Variants in RALYL observed in about 807,000 individuals in gnomAD.
RALYL encodes RNA-binding Raly-like protein.
A neutral mutation model predicts 35.1 loss-of-function variants in RALYL; 29 were observed. The ratio of observed to expected loss-of-function variants is 0.83; its 90% confidence interval spans 0.61 to 1.13. The LOEUF (loss-of-function observed/expected upper bound fraction) is 1.13. Ranked by LOEUF, RALYL falls within the 50% of genes most tolerant of loss-of-function variation. The pLI is 0.00. For missense variants in RALYL, 359 were observed against 360.4 expected, an observed-to-expected ratio of 1.00 and a Z score of 0.03; for synonymous variants, 120 against 127.6, an observed-to-expected ratio of 0.94 and a Z score of 0.40.
chr8:84,514,158 A>G (rs2057869528), intron 1 of RALYL, among the ~76,000 whole-genome samples: 1 of 133,450 alleles, frequency 7.5e-6, no homozygotes, highest in South Asian at 2.7e-4. Flanking sequence ...ATACCTAAAT[A>G]CCTATGTTGT....
At chr8:84,578,159 G>A (rs1321674543) in intron 2 of RALYL, among the ~76,000 whole-genome samples, 1 of 152,236 alleles carries the variant, frequency 6.6e-6, no homozygotes, top group Non-Finnish European at 1.5e-5. Context: ...ACTGCACACA[G>A]CCATGCACAC....
intron 4 of RALYL, among the ~76,000 whole-genome samples, chr8:84,837,614 T>G (rs1225485878): frequency 1.3e-5 from 2 of 152,188 alleles, no homozygotes; most frequent in Non-Finnish European, 2.9e-5. Context: ...AAAGTTTAAA[T>G]GAAATTTCAG....
intron 6 of RALYL, among the ~76,000 whole-genome samples, chr8:84,869,039 AG>A (rs563709304): frequency 1.6e-3 from 244 of 152,116 alleles, no homozygotes; most frequent in Non-Finnish European, 3.2e-3. Context: ...AGAAAGGGAC[AG>A]ATGGGAGCAG....
At chr8:84,667,412 C>G (rs767871395) in intron 2 of RALYL, among the ~76,000 whole-genome samples, 46 of 152,000 alleles carry the variant, frequency 3.0e-4, no homozygotes, top group Non-Finnish European at 5.1e-4. Flanking sequence ...TTCTTTTACT[C>G]CTTCTTAGTA....
intron 3 of RALYL, among the ~76,000 whole-genome samples, chr8:84,786,770 T>C (rs1819582632): frequency 6.6e-6 from 1 of 152,114 alleles, no homozygotes; most frequent in African/African-American, 2.4e-5. Flanking sequence ...TTTCTCCCAT[T>C]CTGTAAGTTG....
At chr8:84,439,157 T>C (rs777946873) in intron 1 of RALYL, among the ~76,000 whole-genome samples, 31 of 152,298 alleles carry the variant, frequency 2.0e-4, no homozygotes, top group Admixed American at 1.2e-3. Flanking sequence ...TAGTGTTGAA[T>C]CCATAGATTG....
rs114383452 is a variant in RALYL, at chr8:84,448,960, C to T, written c.-23-80339C>T. Among the ~76,000 whole-genome samples the T allele has an allele frequency of 3.5e-3, 536 of 152,086 alleles. 2 individuals are homozygous for T. The highest frequency in any genetic ancestry group is 0.012 in the African/African-American group (504 of 41,510). On this transcript the variant is annotated intron_variant, in intron 1 of 8. Coordinates refer to ENST00000521268, the MANE Select transcript of RALYL (RefSeq NM_173848.7). ...CAGCCTGATTATAGGTAACTTTTAT[C>T]CTCAGGTGTCATGTTAATATGCGAA...
chr8:84,613,696 C>A (rs1262209683), intron 2 of RALYL, among the ~76,000 whole-genome samples: 1 of 151,192 alleles, frequency 6.6e-6, no homozygotes, highest in African/African-American at 2.4e-5. Flanking sequence ...CAATAATGTA[C>A]AGGGAAAAAA....
intron 2 of RALYL, among the ~76,000 whole-genome samples, chr8:84,728,687 A>G (rs542701504): frequency 6.6e-6 from 1 of 152,224 alleles, no homozygotes; most frequent in Non-Finnish European, 1.5e-5. Flanking sequence ...TCAGCTTTCT[A>G]CATATGGCTA....
chr8:84,534,128 A>G (rs1289615486), intron 2 of RALYL, among the ~76,000 whole-genome samples: 3 of 152,246 alleles, frequency 2.0e-5, no homozygotes, highest in Middle Eastern at 3.2e-3. Flanking sequence ...GCAGACTCAC[A>G]TCATAGCCCC....
intron 7 of RALYL, among the ~76,000 whole-genome samples, chr8:84,878,689 G>A (rs767548971): frequency 1.8e-4 from 28 of 151,752 alleles, no homozygotes; most frequent in Non-Finnish European, 2.9e-4. Context: ...TATTCAAAGC[G>A]CTGATAAAAG....
At chr8:84,359,645 A>G (rs1317603992) in intron 1 of RALYL, among the ~76,000 whole-genome samples, 2 of 152,090 alleles carry the variant, frequency 1.3e-5, no homozygotes, top group Non-Finnish European at 2.9e-5. Context: ...CCTCGTTTGT[A>G]TATAATAAAT....
At chr8:84,866,825 G>A (rs377203703) in intron 6 of RALYL, among the ~76,000 whole-genome samples, 3 of 152,082 alleles carry the variant, frequency 2.0e-5, no homozygotes, top group East Asian at 3.9e-4. Flanking sequence ...ATGGGTAAAA[G>A]GATAATGAAA....
At chr8:84,467,439 G>A (rs1176187297) in intron 1 of RALYL, among the ~76,000 whole-genome samples, 6 of 135,778 alleles carry the variant, frequency 4.4e-5, no homozygotes, top group Admixed American at 3.8e-4. Flanking sequence ...CAGTTTCCAT[G>A]TAGTTGAGCA....
intron 3 of RALYL, among the ~76,000 whole-genome samples, chr8:84,794,697 T>A (rs1324548704): frequency 6.6e-6 from 1 of 152,164 alleles, no homozygotes; most frequent in Non-Finnish European, 1.5e-5. Context: ...TAACCAAATA[T>A]CTTCCAGCAC....
At chr8:84,418,454 G>A (rs561900874) in intron 1 of RALYL, among the ~76,000 whole-genome samples, 3 of 152,238 alleles carry the variant, frequency 2.0e-5, no homozygotes, top group South Asian at 2.1e-4. Flanking sequence ...GCCATTATTT[G>A]ATTAGAATTA....
chr8:84,633,068 A>G (rs979663942), intron 2 of RALYL, among the ~76,000 whole-genome samples: 1 of 151,930 alleles, frequency 6.6e-6, no homozygotes, highest in Non-Finnish European at 1.5e-5. Flanking sequence ...TTAGCCATAG[A>G]TACAGATTTA....
In RALYL at chr8:84,364,296, T is replaced by G. The variant is rs1853740672; in HGVS notation, c.-23-165003T>G. ...TAAGATTCACTTGGTATAATTCTAT[T>G]AAGGAATCAATTATAAATTATACTG... On this transcript the variant is annotated intron_variant, in intron 1 of 8. Transcript: ENST00000521268. Among the ~76,000 whole-genome samples, 3 of 152,162 alleles carry G rather than the reference T, an allele frequency of 2.0e-5. No homozygotes were observed. In the South Asian group the frequency reaches 6.2e-4, roughly 32 times the overall value.
At chr8:84,539,813 A>G (rs2059866867) in intron 2 of RALYL, among the ~76,000 whole-genome samples, 1 of 143,328 alleles carries the variant, frequency 7.0e-6, no homozygotes, top group South Asian at 2.2e-4. Context: ...CTCTGAATAT[A>G]TATTAAGTGA....
Sources: allele counts gnomAD v4.1 joint callset (sites outside exome capture counted in the v4.1 genomes callset), GRCh38; gene constraint gnomAD v4.1.1; transcripts MANE v1.5; gene names NCBI Gene and HGNC (gene_info 2026-07-23, HGNC 2026-07-21).